The following ZCWPW2 variants were observed in gnomAD, a reference collection of about 807,000 sequenced individuals.
ZCWPW2 encodes zinc finger CW-type and PWWP domain containing 2, also known as zinc finger CW-type PWWP domain protein 2.
A neutral mutation model predicts 46.6 loss-of-function variants in ZCWPW2; 45 were observed. The ratio of observed to expected loss-of-function variants is 0.96; its 90% CI spans 0.76 to 1.24. The LOEUF (loss-of-function observed/expected upper bound fraction) is 1.24. Ranked by LOEUF, ZCWPW2 falls within the 50% of genes most tolerant of loss-of-function variation. The pLI, the probability that ZCWPW2 is intolerant of heterozygous loss-of-function variation, is 0.00. For synonymous variants in ZCWPW2, 152 were observed against 137.1 expected (o/e 1.11, Z -0.76); for missense variants, 429 against 403.9 (o/e 1.06, Z -0.53).
chr3:28,470,808 A>G (rs149753366), intron 4 of ZCWPW2, among the ~76,000 whole-genome samples: 74 of 152,224 alleles, frequency 4.9e-4, no homozygotes, highest in South Asian at 8.3e-4. Context: ...AATACAAAAT[A>G]TCAACAAAAC....
chr3:28,409,122 C>CTTTTTTTT (rs11328735), intron 2 of ZCWPW2, among the ~76,000 whole-genome samples: 14 of 82,316 alleles, frequency 1.7e-4, no homozygotes, highest in East Asian at 3.9e-4. Flanking sequence ...TTTTCTTTTT[C>CTTTTTTTT]TTTTTTTTTT....
At chr3:28,461,981 A>AT (rs1369902587) in intron 4 of ZCWPW2, among the ~76,000 whole-genome samples, 1 of 152,082 alleles carries the variant, frequency 6.6e-6, no homozygotes, top group South Asian at 2.1e-4. Flanking sequence ...GTTGTTAATA[A>AT]TTTTTTCTTG....
intron 6 of ZCWPW2, among the ~76,000 whole-genome samples, chr3:28,507,120 T>C (rs1700297582): frequency 6.6e-6 from 1 of 152,174 alleles, no homozygotes; most frequent in Non-Finnish European, 1.5e-5. Flanking sequence ...GATCCTGTTA[T>C]ACCAAATGCT....
Position 28,425,382 on chromosome 3 carries a change from A to G in ZCWPW2, c.333-9728A>G. On this transcript the variant is annotated intron_variant, in intron 3 of 9. Coordinates refer to ENST00000383768, the MANE Select transcript of ZCWPW2 (RefSeq NM_001040432.4). ...TATATAGAAAGATAATAACAGGATA[A>G]ATTACAATAGAAAAATATAAGGATA... is the stretch of plus-strand genomic sequence containing the variant. Among the ~76,000 whole-genome samples, 2 of 152,318 alleles carry G rather than the reference A, an allele frequency of 1.3e-5. 1 individual carries two copies. Among genetic ancestry groups the G allele is most frequent in the Middle Eastern group, 6.8e-3 (2 of 294 alleles).
At chr3:28,360,674 A>G (rs1704906000) in intron 1 of ZCWPW2, among the ~76,000 whole-genome samples, 1 of 152,160 alleles carries the variant, frequency 6.6e-6, no homozygotes, top group African/African-American at 2.4e-5. Context: ...AAAATAATGC[A>G]TTAAAAAAAG....
At chr3:28,505,394 A>G (rs1355194352) in intron 6 of ZCWPW2, among the ~76,000 whole-genome samples, 1 of 152,192 alleles carries the variant, frequency 6.6e-6, no homozygotes, top group Non-Finnish European at 1.5e-5. Context: ...GTAGCAATTG[A>G]TGATTGACAT....
chr3:28,474,123 C>T (rs1699140130), intron 4 of ZCWPW2, among the ~76,000 whole-genome samples: 1 of 152,076 alleles, frequency 6.6e-6, no homozygotes, highest in Admixed American at 6.6e-5. Flanking sequence ...ATCAAGATAC[C>T]TTATGTAACC....
At chr3:28,517,198 T>G (rs1441086964) in intron 8 of ZCWPW2, among the ~76,000 whole-genome samples, 1 of 152,194 alleles carries the variant, frequency 6.6e-6, no homozygotes, top group Admixed American at 6.5e-5. Flanking sequence ...ATTTAGGATT[T>G]TTTTTTCAGT....
chr3:28,369,929 G>T (rs1009946439), intron 1 of ZCWPW2, among the ~76,000 whole-genome samples: 7 of 152,184 alleles, frequency 4.6e-5, no homozygotes, highest in Admixed American at 4.6e-4. Flanking sequence ...AATGAGCGAG[G>T]CTCCGTGGGT....
intron 1 of ZCWPW2, among the ~76,000 whole-genome samples, chr3:28,355,498 A>G (rs1704697842): frequency 6.6e-6 from 1 of 152,234 alleles, no homozygotes; most frequent in South Asian, 2.1e-4. Flanking sequence ...GGAAAAAACT[A>G]CTTTAAAGTT....
chr3:28,515,587 T>G lies in ZCWPW2; in HGVS notation c.750T>G (p.Val250=). The G allele has an allele frequency of 6.2e-7, 1 of 1,608,640 alleles. No individual in the cohort carries two copies. The highest frequency in any genetic ancestry group is 1.1e-5 in the South Asian group (1 of 90,880). ...TTTTAAAATGCTCTTTTGAAAATGTTTATTCTGATGATGCCTTATCAAAGG... is the reference window on the plus strand; with the variant it reads ...TTTTAAAATGCTCTTTTGAAAATGTGTATTCTGATGATGCCTTATCAAAGG... ...KAILKCSFEN[V]YSDDALSKEN... Residue 250 remains valine, a synonymous_variant, in exon 8 of 10, where the codon GTT becomes GTG. Transcript: ENST00000383768.
At chr3:28,453,849 A>AT (rs202148521) in intron 4 of ZCWPW2, among the ~76,000 whole-genome samples, 25 of 144,290 alleles carry the variant, frequency 1.7e-4, no homozygotes, top group Non-Finnish European at 2.6e-4. Flanking sequence ...TTTTTTTATT[A>AT]TTATTTTTTT....
At chr3:28,511,663 C>T (rs1700428526) in intron 6 of ZCWPW2, among the ~76,000 whole-genome samples, 1 of 152,108 alleles carries the variant, frequency 6.6e-6, no homozygotes, top group African/African-American at 2.4e-5. Context: ...ATGCTTTCAC[C>T]TTTGTCTAAC....
At position 28,465,752 on chromosome 3, in the gene ZCWPW2, A is replaced by G. The variant is rs538662199; in HGVS notation, c.493-13062A>G. On this transcript the variant is annotated intron_variant, in intron 4 of 9. Coordinates refer to ENST00000383768, the MANE Select transcript of ZCWPW2 (RefSeq NM_001040432.4). Reference sequence around the variant, plus strand: ...CTGTAAAACCCAAGGAACTCAAACAATCAAACAAAAAAAAACTATGGTAAA... The same window carrying G: ...CTGTAAAACCCAAGGAACTCAAACAGTCAAACAAAAAAAAACTATGGTAAA... 2.3e-4 allele frequency among the ~76,000 whole-genome samples: 35 copies of G among 151,812 alleles called. No individual in the cohort carries two copies. The South Asian group carries it at 5.6e-3, about 24-fold the overall frequency.
intron 2 of ZCWPW2, among the ~76,000 whole-genome samples, chr3:28,392,626 A>G (rs1309927008): frequency 6.6e-6 from 1 of 152,206 alleles, no homozygotes; most frequent in African/African-American, 2.4e-5. Context: ...TCTGACCACA[A>G]TGGTATAAGA....
At chr3:28,472,288 A>G (rs1004377631) in intron 4 of ZCWPW2, among the ~76,000 whole-genome samples, 1 of 152,212 alleles carries the variant, frequency 6.6e-6, no homozygotes, top group Non-Finnish European at 1.5e-5. Flanking sequence ...AGCAAAAGGA[A>G]CAAAACTGAA....
intron 6 of ZCWPW2, among the ~76,000 whole-genome samples, chr3:28,497,509 A>G (rs2125821534): frequency 6.6e-6 from 1 of 152,206 alleles, no homozygotes. Context: ...ATCCTTGGAT[A>G]TATATCCTTA....
intron 1 of ZCWPW2, among the ~76,000 whole-genome samples, chr3:28,366,980 A>C (rs1705141892): frequency 6.6e-6 from 1 of 152,014 alleles, no homozygotes; most frequent in Non-Finnish European, 1.5e-5. Flanking sequence ...CTGTGGGATC[A>C]GTGGTTATAC....
At chr3:28,367,744 G>C (rs1705174743) in intron 1 of ZCWPW2, among the ~76,000 whole-genome samples, 1 of 152,136 alleles carries the variant, frequency 6.6e-6, no homozygotes, top group Admixed American at 6.5e-5. Flanking sequence ...TGACAGTAGG[G>C]TGTTAAAGTC....
Sources: gnomAD v4.1 joint callset for allele counts (sites outside exome capture counted in the v4.1 genomes callset) on GRCh38, gnomAD v4.1.1 for gene constraint, MANE v1.5 for transcripts, NCBI Gene and HGNC (gene_info 2026-07-23, HGNC 2026-07-21) for gene names.